Variants in MACROD2 observed in about 807,000 individuals in gnomAD.
MACROD2 encodes the protein mono-ADP ribosylhydrolase 2.
MACROD2 carries 36 observed loss-of-function variants against 70.4 expected under a neutral mutation model. The observed-to-expected ratio is 0.51, with a 90% CI of 0.39 to 0.68. The LOEUF is 0.68. Among genes scored for constraint, MACROD2 ranks in the 30% least tolerant of loss-of-function variants. The pLI, the probability that MACROD2 is intolerant of heterozygous loss-of-function variation, is 0.00. For missense variants in MACROD2, 496 were observed against 538.4 expected, an observed-to-expected ratio of 0.92 and a Z score of 0.78; for synonymous variants, 172 against 178.8, an observed-to-expected ratio of 0.96 and a Z score of 0.30.
chr20:14,748,386 C>A (rs2123731653), intron 5 of MACROD2, among the ~76,000 whole-genome samples: 1 of 152,218 alleles, frequency 6.6e-6, no homozygotes, highest in African/African-American at 2.4e-5. Context: ...TCCATCAAGA[C>A]AGAGACTATG....
chr20:15,586,364 C>T (rs1030320347), intron 8 of MACROD2, among the ~76,000 whole-genome samples: 3 of 152,194 alleles, frequency 2.0e-5, no homozygotes, highest in African/African-American at 4.8e-5. Flanking sequence ...TGTGAGCCTG[C>T]ATTCACCATA....
At chr20:14,643,327 G>A (rs1172566846) in intron 4 of MACROD2, among the ~76,000 whole-genome samples, 1 of 152,172 alleles carries the variant, frequency 6.6e-6, no homozygotes, top group Admixed American at 6.5e-5. Flanking sequence ...GTTGAGTGAT[G>A]GTGGCAGCTG....
At chr20:15,564,151 C>T (rs142471829) in intron 8 of MACROD2, among the ~76,000 whole-genome samples, 86 of 152,232 alleles carry the variant, frequency 5.6e-4, no homozygotes, top group African/African-American at 2.0e-3. Flanking sequence ...CTGTCAGTTG[C>T]CATCACTGTT....
intron 4 of MACROD2, among the ~76,000 whole-genome samples, chr20:14,555,874 G>T (rs1978998495): frequency 6.6e-6 from 1 of 152,034 alleles, no homozygotes; most frequent in Non-Finnish European, 1.5e-5. Context: ...GGAGGAAGCT[G>T]CTGCAATTAG....
chr20:15,682,059 T>C (rs894661020), intron 8 of MACROD2, among the ~76,000 whole-genome samples: 2 of 152,202 alleles, frequency 1.3e-5, no homozygotes, highest in Admixed American at 6.5e-5. Flanking sequence ...GCACCTGTTT[T>C]GTCAATCCTG....
intron 3 of MACROD2, among the ~76,000 whole-genome samples, chr20:14,113,749 C>A (rs925930133): frequency 1.3e-5 from 2 of 152,070 alleles, no homozygotes; most frequent in African/African-American, 4.8e-5. Context: ...AAGAGACCTG[C>A]TTAAGCTTTG....
chr20:14,555,736 G>T (rs1345716261), intron 4 of MACROD2, among the ~76,000 whole-genome samples: 1 of 152,034 alleles, frequency 6.6e-6, no homozygotes, highest in East Asian at 1.9e-4. Flanking sequence ...CTTTCTGTTA[G>T]GTACATGGGG....
Position 15,323,080 on chromosome 20 carries a change from T to G in MACROD2, c.540+93019T>G, listed in dbSNP as rs1308931640. 2.9e-5 allele frequency among the ~76,000 whole-genome samples: 3 copies of G among 103,936 alleles called. 1 individual carries two copies. The highest frequency in any genetic ancestry group is 7.4e-5 in the Non-Finnish European group (3 of 40,676). 68.2% of individuals were successfully genotyped at this position (103,936 alleles called of 152,430 possible). ...GGTAGAATAATGCTGTATGTTGATG[T>G]TGACATTCTGCCATTCTGCAGTGAT... On this transcript the variant is annotated intron_variant, in intron 6 of 17. Transcript: ENST00000684519.
intron 5 of MACROD2, among the ~76,000 whole-genome samples, chr20:14,795,628 A>T (rs1170822535): frequency 6.6e-6 from 1 of 152,178 alleles, no homozygotes; most frequent in Non-Finnish European, 1.5e-5. Flanking sequence ...TTAAATAGAC[A>T]GTTGAATATC....
intron 8 of MACROD2, among the ~76,000 whole-genome samples, chr20:15,520,876 A>G (rs1216704091): frequency 2.6e-5 from 4 of 152,208 alleles, no homozygotes; most frequent in Non-Finnish European, 5.9e-5. Context: ...CTTCTTGATA[A>G]TGAGTTTGAA....
intron 6 of MACROD2, among the ~76,000 whole-genome samples, chr20:15,288,493 A>C (rs1026261270): frequency 6.6e-6 from 1 of 152,176 alleles, no homozygotes; most frequent in East Asian, 1.9e-4. Context: ...CTGGCATTTG[A>C]ATCAGTAGAT....
intron 8 of MACROD2, among the ~76,000 whole-genome samples, chr20:15,531,872 G>A (rs1054357797): frequency 1.3e-5 from 2 of 152,124 alleles, no homozygotes; most frequent in African/African-American, 2.4e-5. Context: ...TAATAGGGAA[G>A]TCTGTTGTCT....
intron 2 of MACROD2, among the ~76,000 whole-genome samples, chr20:14,038,295 CA>C (rs56831426): frequency 5.5e-4 from 76 of 139,150 alleles, no homozygotes; most frequent in African/African-American, 7.1e-4. Context: ...GACTCCGTCT[CA>C]AAAAAAAAAA....
chr20:14,532,249 T>C lies in MACROD2; in HGVS notation c.301+38741T>C, dbSNP rs1300630479. 2.3e-4 allele frequency among the ~76,000 whole-genome samples: 34 copies of C among 149,732 alleles called. No individual in the cohort carries two copies. In the East Asian group the frequency reaches 5.3e-3, roughly 23 times the overall value. On this transcript the variant is annotated intron_variant, in intron 4 of 17. Coordinates refer to ENST00000684519, the MANE Select transcript of MACROD2 (RefSeq NM_001351661.2). The stretch of plus-strand genomic sequence containing the variant: ...TTTTTTTTTTTTTGAGATGGAGTCT[T>C]GCTCTGTCACCCAGGCTGGAGTGCA...
At chr20:15,968,289 A>T (rs558376179) in intron 13 of MACROD2, among the ~76,000 whole-genome samples, 5 of 152,336 alleles carry the variant, frequency 3.3e-5, no homozygotes, top group African/African-American at 9.6e-5. Flanking sequence ...AAGCTAGAAG[A>T]AAATGGAGTC....
chr20:15,302,765 C>T (rs777191590), intron 6 of MACROD2, among the ~76,000 whole-genome samples: 5 of 152,276 alleles, frequency 3.3e-5, no homozygotes, highest in African/African-American at 7.2e-5. Flanking sequence ...CACATTCCAC[C>T]GGCAGTGTAT....
chr20:15,679,937 T>C (rs1022191407), intron 8 of MACROD2, among the ~76,000 whole-genome samples: 3 of 152,232 alleles, frequency 2.0e-5, no homozygotes, highest in Non-Finnish European at 4.4e-5. Context: ...AAGCAGATAT[T>C]GACAACTGAA....
chr20:16,033,584 A>G (rs184741878), intron 15 of MACROD2, among the ~76,000 whole-genome samples: 1 of 152,100 alleles, frequency 6.6e-6, no homozygotes, highest in African/African-American at 2.4e-5. Context: ...TTAATCAGGC[A>G]TTTATGATAG....
chr20:15,210,787 C>G (rs2076756931), intron 5 of MACROD2, among the ~76,000 whole-genome samples: 1 of 152,080 alleles, frequency 6.6e-6, no homozygotes, highest in Admixed American at 6.5e-5. Context: ...TTCTCCTGCT[C>G]CAGCCATGTA....
Sources: allele counts gnomAD v4.1 joint callset (sites outside exome capture counted in the v4.1 genomes callset), GRCh38; gene constraint gnomAD v4.1.1; transcripts MANE v1.5; gene names NCBI Gene and HGNC (gene_info 2026-07-23, HGNC 2026-07-21).